The following GRIP1 variants were observed in gnomAD, a reference collection of about 807,000 sequenced individuals.
The protein encoded by GRIP1 is glutamate receptor interacting protein 1.
Under a neutral mutation model 129.9 loss-of-function variants are expected in GRIP1, and 45 were observed. That is an observed-to-expected ratio of 0.35 (90% CI 0.27 to 0.44). GRIP1 has a LOEUF of 0.44. Among genes scored for constraint, GRIP1 ranks in the 20% least tolerant of loss-of-function variants. GRIP1 has a pLI of 1.00. For missense variants in GRIP1, 1,196 were observed against 1,396.8 expected (o/e 0.86, Z 2.29); for synonymous variants, 530 against 520.8 (o/e 1.02, Z -0.24).
At chr12:66,846,508 T>C (rs948888868) in intron 1 of GRIP1, among the ~76,000 whole-genome samples, 5 of 152,188 alleles carry the variant, frequency 3.3e-5, no homozygotes, top group Admixed American at 2.0e-4. Flanking sequence ...TCCAGCATTG[T>C]TTTAATAGGC....
chr12:66,853,384 T>C (rs1284463945), intron 1 of GRIP1, among the ~76,000 whole-genome samples: 1 of 151,946 alleles, frequency 6.6e-6, no homozygotes, highest in African/African-American at 2.4e-5. Context: ...ATACCCAAAA[T>C]GAATTATAGA....
intron 11 of GRIP1, 49 bp downstream of exon 11, chr12:66,455,360 C>A: frequency 6.4e-7 from 1 of 1,573,490 alleles, no homozygotes. Context: ...GGCTCCATTG[C>A]CCACAGGTTT....
intron 10 of GRIP1, 26 bp from the exon 11 acceptor site, chr12:66,455,590 A>G (rs1413376159): frequency 2.5e-6 from 4 of 1,610,514 alleles, no homozygotes; most frequent in Admixed American, 1.7e-5. Flanking sequence ...GACGTTGCAC[A>G]GAGCACTCTC....
intron 1 of GRIP1, among the ~76,000 whole-genome samples, chr12:66,890,589 A>G (rs1401381180): frequency 6.6e-6 from 1 of 152,234 alleles, no homozygotes; most frequent in Non-Finnish European, 1.5e-5. Context: ...AAAGTACTAC[A>G]GCTGCAACTA....
In GRIP1 at chr12:66,379,453, G is replaced by C. The variant is rs373046362; in HGVS notation, c.2465-17C>G. ...AACTAGTGCCTAAAATATAAACAAG[G>C]TGTTAGCATTGGGCCCAAGGATTAC... On this transcript the variant is annotated splice_polypyrimidine_tract_variant and intron_variant, in intron 19 of 24. Coordinates refer to ENST00000359742, the MANE Select transcript of GRIP1 (RefSeq NM_001366722.1). 1 of 1,613,480 alleles carries C rather than the reference G, an allele frequency of 6.2e-7. No homozygotes were observed. Among genetic ancestry groups the C allele is most frequent in the South Asian group, 1.1e-5 (1 of 91,068 alleles).
At chr12:66,471,678 CA>C (rs1179883426) in intron 7 of GRIP1, among the ~76,000 whole-genome samples, 6 of 152,152 alleles carry the variant, frequency 3.9e-5, no homozygotes, top group Non-Finnish European at 5.9e-5. Flanking sequence ...ATGATTCTAG[CA>C]GAGAGCTCTA....
At chr12:66,732,974 G>A (rs977084273) in intron 1 of GRIP1, among the ~76,000 whole-genome samples, 5 of 152,156 alleles carry the variant, frequency 3.3e-5, no homozygotes, top group Admixed American at 3.3e-4. Flanking sequence ...ATAATAAAGA[G>A]TAATTTTGTT....
chr12:66,990,644 C>T (rs970994017), intron 1 of GRIP1, among the ~76,000 whole-genome samples: 1 of 152,202 alleles, frequency 6.6e-6, no homozygotes, highest in African/African-American at 2.4e-5. Flanking sequence ...TCTCACTAAG[C>T]AATCAAATGT....
chr12:66,439,765 AT>A (rs1435401679), intron 13 of GRIP1, among the ~76,000 whole-genome samples: 1 of 152,184 alleles, frequency 6.6e-6, no homozygotes. Flanking sequence ...ATAATTTTTC[AT>A]CTGCTCTCCC....
intron 1 of GRIP1, among the ~76,000 whole-genome samples, chr12:66,638,445 T>C (rs2031611574): frequency 6.6e-6 from 1 of 152,206 alleles, no homozygotes; most frequent in Non-Finnish European, 1.5e-5. Flanking sequence ...GTGTTAAAAT[T>C]CAAACCTAGT....
At chr12:66,912,119 T>C (rs975205681) in intron 1 of GRIP1, among the ~76,000 whole-genome samples, 2 of 152,224 alleles carry the variant, frequency 1.3e-5, no homozygotes, top group African/African-American at 4.8e-5. Flanking sequence ...GTTTAAATAA[T>C]ATTCCAAAAT....
chr12:66,904,316 T>G (rs183872136), intron 1 of GRIP1, among the ~76,000 whole-genome samples: 104 of 152,318 alleles, frequency 6.8e-4, no homozygotes, highest in African/African-American at 2.4e-3. Context: ...GGTGCTGCCC[T>G]GCCCACTGGC....
chr12:66,828,918 AGACAGCCAATGGTCC>A (rs1328588036), intron 1 of GRIP1, among the ~76,000 whole-genome samples: 3 of 152,334 alleles, frequency 2.0e-5, no homozygotes, highest in Admixed American at 6.5e-5. Context: ...CATTCAACAA[AGACAGCCAATGGTCC>A]GACATTTAGC....
At chr12:66,516,158 A>T (rs943840603) in intron 6 of GRIP1, among the ~76,000 whole-genome samples, 1 of 152,162 alleles carries the variant, frequency 6.6e-6, no homozygotes, top group African/African-American at 2.4e-5. Context: ...TGCGAATTTC[A>T]TTCAAATCAT....
At chr12:66,896,734 C>T (rs968859579) in intron 1 of GRIP1, among the ~76,000 whole-genome samples, 2 of 152,150 alleles carry the variant, frequency 1.3e-5, no homozygotes, top group Non-Finnish European at 2.9e-5. Flanking sequence ...AAGAATAAGT[C>T]AGGAAGCTGT....
chr12:66,666,274 C>T (rs894511349), intron 1 of GRIP1, among the ~76,000 whole-genome samples: 7 of 152,172 alleles, frequency 4.6e-5, no homozygotes, highest in South Asian at 2.1e-4. Flanking sequence ...GCAGGAGATG[C>T]ATTCTATGTT....
chr12:66,474,999 G>A (rs2059560940), intron 7 of GRIP1, among the ~76,000 whole-genome samples: 1 of 152,138 alleles, frequency 6.6e-6, no homozygotes, highest in African/African-American at 2.4e-5. Flanking sequence ...AAATGTAAAT[G>A]GGCTAAATGC....
chr12:67,049,385 A>G (rs1592514871), intron 1 of GRIP1, among the ~76,000 whole-genome samples: 1 of 152,310 alleles, frequency 6.6e-6, no homozygotes, highest in East Asian at 1.9e-4. Flanking sequence ...GCAGCCATAA[A>G]AAAGAATGAG....
At chr12:66,574,980 C>T (rs1163531933) in intron 2 of GRIP1, among the ~76,000 whole-genome samples, 2 of 151,956 alleles carry the variant, frequency 1.3e-5, no homozygotes, top group Non-Finnish European at 2.9e-5. Flanking sequence ...CCATGTTGGC[C>T]AGGATCATCC....
Sources: gnomAD v4.1 joint callset for allele counts (sites outside exome capture counted in the v4.1 genomes callset) on GRCh38, gnomAD v4.1.1 for gene constraint, MANE v1.5 for transcripts, NCBI Gene and HGNC (gene_info 2026-07-23, HGNC 2026-07-21) for gene names.